The following PCDHGA5 variants were observed in gnomAD, a reference collection of about 807,000 sequenced individuals.
The protein encoded by PCDHGA5 is protocadherin gamma-A5.
A neutral mutation model predicts 56.7 loss-of-function variants in PCDHGA5; 36 were observed. That is an observed-to-expected ratio of 0.64 (90% CI 0.49 to 0.84). PCDHGA5 has a LOEUF of 0.84. Ranked by LOEUF, PCDHGA5 falls within the 40% of genes least tolerant of loss-of-function variation. The probability of loss-of-function intolerance (pLI) is 0.00; values close to 1 mark genes in which losing one functional copy is unlikely to be tolerated. For synonymous variants in PCDHGA5, 563 were observed against 520.2 expected, an observed-to-expected ratio of 1.08 and a Z score of -1.12; for missense variants, 1,305 against 1,201.5, an observed-to-expected ratio of 1.09 and a Z score of -1.27.
chr5:141,422,450 G>C (rs748354292), intron 1 of PCDHGA5: 71 of 1,611,564 alleles, frequency 4.4e-5, no homozygotes, highest in Non-Finnish European at 5.9e-5. Flanking sequence ...TTGATAACAA[G>C]CAGAGTGCTG....
intron 1 of PCDHGA5, among the ~76,000 whole-genome samples, chr5:141,483,201 C>A (rs2099578254): frequency 6.6e-6 from 1 of 152,108 alleles, no homozygotes; most frequent in Non-Finnish European, 1.5e-5. Context: ...TTATTTTATT[C>A]CATATAGATG....
intron 3 of PCDHGA5, among the ~76,000 whole-genome samples, chr5:141,507,500 A>G (rs2099861039): frequency 6.6e-6 from 1 of 152,206 alleles, no homozygotes; most frequent in Admixed American, 6.5e-5. Flanking sequence ...GAGCTGTCCC[A>G]GGTCTGGTGG....
At chr5:141,430,910 G>T in intron 1 of PCDHGA5, 2 of 1,608,040 alleles carry the variant, frequency 1.2e-6, no homozygotes, top group Middle Eastern at 1.7e-4. Context: ...CATCTCCAGG[G>T]ACCTGGGGCT....
chr5:141,383,143 G>A (rs371358932), intron 1 of PCDHGA5: 2 of 1,613,972 alleles, frequency 1.2e-6, no homozygotes, highest in Non-Finnish European at 8.5e-7. Context: ...CCAGCGCAGC[G>A]GCAGCTTGGT....
chr5:141,484,845 G>T (rs541372844), intron 1 of PCDHGA5, among the ~76,000 whole-genome samples: 10 of 152,076 alleles, frequency 6.6e-5, no homozygotes, highest in Admixed American at 2.6e-4. Flanking sequence ...GATAGGCTGG[G>T]TTTTTTGGGG....
rs140609729 is a variant in PCDHGA5 at position 141,372,233 on chromosome 5, G to A, written c.2421+5482G>A. On this transcript the variant is annotated intron_variant, in intron 1 of 3. Coordinates refer to ENST00000518069, the MANE Select transcript of PCDHGA5 (RefSeq NM_018918.3). ...CCTACCACATTGTGCAGGCCAGCGA[G>A]CCCGGGCTGTTCAGCCTGGGCCTGC... 2,947 of 1,613,368 alleles carry A rather than the reference G, an allele frequency of 1.8e-3. 7 individuals carry two copies. The highest frequency in any genetic ancestry group is 2.3e-3 in the Non-Finnish European group (2,745 of 1,179,836).
chr5:141,478,385 T>C (rs919846683), intron 1 of PCDHGA5: 1 of 1,613,628 alleles, frequency 6.2e-7, no homozygotes, highest in Non-Finnish European at 8.5e-7. Context: ...GCCGCACCTT[T>C]ACCATCAGGT....
rs758065876 is a variant in PCDHGA5 at position 141,422,916 on chromosome 5, C to A, written c.2421+56165C>A. 5.6e-6 allele frequency: 9 copies of A among 1,614,260 alleles called. No homozygotes were observed. In the South Asian group the frequency reaches 9.9e-5, roughly 18 times the overall value. ...ACCAGAACGACAATGCGCCCGAGAT[C>A]CTGTACCCTGCCCTCCCCACAGACG... On this transcript the variant is annotated intron_variant, in intron 1 of 3. Coordinates refer to ENST00000518069, the MANE Select transcript of PCDHGA5 (RefSeq NM_018918.3).
chr5:141,369,246 A>G (rs1035336537), intron 1 of PCDHGA5, among the ~76,000 whole-genome samples: 3 of 152,210 alleles, frequency 2.0e-5, no homozygotes, highest in Non-Finnish European at 4.4e-5. Flanking sequence ...TTATATAATT[A>G]AATAATATAA....
Position 141,489,956 on chromosome 5 carries a change from C to CTCCAACCT in PCDHGA5, c.2422-4845_2422-4838dup, listed in dbSNP as rs1176419823. Reference sequence around the variant, plus strand: ...ATCGTGCTGGACATCAATGATAATGCTCCAACCTTCCAATCCTCAGTTCTA... The same window carrying CTCCAACCT: ...ATCGTGCTGGACATCAATGATAATGCTCCAACCTTCCAACCTTCCAATCCTCAGTTCTA... On this transcript the variant is annotated intron_variant, in intron 1 of 3. Coordinates refer to ENST00000518069, the MANE Select transcript of PCDHGA5 (RefSeq NM_018918.3). The surrounding 1 kb of genome is among the most constrained non-coding windows in gnomAD (Gnocchi z 4.5). 16 of 1,614,012 alleles carry CTCCAACCT rather than the reference C, an allele frequency of 9.9e-6. No individual in the cohort carries two copies. The highest frequency in any genetic ancestry group is 1.4e-5 in the Non-Finnish European group (16 of 1,179,974).
intron 1 of PCDHGA5, chr5:141,375,477 AC>A (rs768233872): frequency 3.1e-6 from 5 of 1,613,798 alleles, no homozygotes; most frequent in Non-Finnish European, 4.2e-6. Context: ...CTTGAAAACA[AC>A]CCCAGGGGTG....
chr5:141,463,572 C>A (rs1462125489), intron 1 of PCDHGA5, among the ~76,000 whole-genome samples: 2 of 151,572 alleles, frequency 1.3e-5, no homozygotes, highest in African/African-American at 4.9e-5. Context: ...CCTCAGCCTC[C>A]CGAGTAGCTG....
At chr5:141,437,195 A>G (rs2097867163) in intron 1 of PCDHGA5, among the ~76,000 whole-genome samples, 2 of 152,180 alleles carry the variant, frequency 1.3e-5, no homozygotes, top group African/African-American at 4.8e-5. Context: ...ATGGGTTTGG[A>G]TGTGTTTACA....
chr5:141,490,149 T>C lies in PCDHGA5; in HGVS notation c.2422-4658T>C. The C allele has an allele frequency of 1.9e-6, 3 of 1,614,188 alleles. No individual in the cohort carries two copies. The highest frequency in any genetic ancestry group is 2.7e-5 in the African/African-American group (2 of 75,050). On this transcript the variant is annotated intron_variant, in intron 1 of 3. Coordinates refer to ENST00000518069, the MANE Select transcript of PCDHGA5 (RefSeq NM_018918.3). This position sits in a 1 kb window ranked among gnomAD's most constrained non-coding sequence, Gnocchi z 5.4. ...TAGACCCTAGCAGTGGGGCAATCCA[T>C]GTGTTGGGTCCCATAGACTTTGAGG... is the stretch of plus-strand genomic sequence containing the variant.
chr5:141,490,042 G>A lies in PCDHGA5; in HGVS notation c.2422-4765G>A. On this transcript the variant is annotated intron_variant, in intron 1 of 3. Transcript: ENST00000518069. This position sits in a 1 kb window ranked among gnomAD's most constrained non-coding sequence, Gnocchi z 5.4. ...TCTGCTGCTCCGCCTCAATGCCACT[G>A]ATCCAGACGAGGGCACCAACGGCCA... The A allele has an allele frequency of 6.2e-7, 1 of 1,614,266 alleles. No homozygotes were observed. Among genetic ancestry groups the A allele is most frequent in the Non-Finnish European group, 8.5e-7 (1 of 1,180,038 alleles).
chr5:141,445,311 G>A (rs2098463310), intron 1 of PCDHGA5, among the ~76,000 whole-genome samples: 1 of 152,150 alleles, frequency 6.6e-6, no homozygotes, highest in East Asian at 1.9e-4. Flanking sequence ...CAGTTTGTAG[G>A]TTGAGAGAAC....
intron 1 of PCDHGA5, chr5:141,418,237 T>G (rs1470328670): frequency 6.2e-7 from 1 of 1,614,044 alleles, no homozygotes. Context: ...TTGAGGATGT[T>G]AATGACCACG....
Position 141,432,608 on chromosome 5 carries a change from T to G in PCDHGA5, c.2422-62199T>G. ...GCTCAAGGCCAGCGAGCCGGGACTC[T>G]TCTCGGTGGGTCTGCACACGGGCGA... On this transcript the variant is annotated intron_variant, in intron 1 of 3. Transcript: ENST00000518069. This position sits in a 1 kb window ranked among gnomAD's most constrained non-coding sequence, Gnocchi z 6.0. The G allele has an allele frequency of 6.2e-7, 1 of 1,613,864 alleles. No individual in the cohort carries two copies. The highest frequency in any genetic ancestry group is 8.5e-7 in the Non-Finnish European group (1 of 1,179,964).
intron 1 of PCDHGA5, chr5:141,430,960 C>T (rs2097330619): frequency 6.2e-7 from 1 of 1,612,432 alleles, no homozygotes; most frequent in Non-Finnish European, 8.5e-7. Context: ...TCCGCATCAT[C>T]CCCAGAGGTA....
Sources: gnomAD v4.1 joint callset for allele counts (sites outside exome capture counted in the v4.1 genomes callset) on GRCh38, gnomAD v4.1.1 for gene constraint, Gnocchi (gnomAD v3.1) non-coding constraint, MANE v1.5 for transcripts, NCBI Gene and HGNC (gene_info 2026-07-23, HGNC 2026-07-21) for gene names.